The following PDZD2 variants were observed in gnomAD, a reference collection of about 807,000 sequenced individuals.
The protein encoded by PDZD2 is PDZ domain-containing protein 2.
Under a neutral mutation model 220.7 loss-of-function variants are expected in PDZD2, and 90 were observed. The ratio of observed to expected loss-of-function variants is 0.41; its 90% confidence interval spans 0.34 to 0.49. PDZD2 has a LOEUF of 0.49. PDZD2 is among the 20% of genes least tolerant of loss of function. The probability of loss-of-function intolerance (pLI) is 0.28; values close to 1 mark genes in which losing one functional copy is unlikely to be tolerated. For synonymous variants in PDZD2, 1,375 were observed against 1,450.5 expected, an observed-to-expected ratio of 0.95 and a Z score of 1.18; for missense variants, 3,174 against 3,608.5, an observed-to-expected ratio of 0.88 and a Z score of 3.08.
chr5:31,746,901 C>T (rs193164940), intron 1 of PDZD2, among the ~76,000 whole-genome samples: 45 of 152,280 alleles, frequency 3.0e-4, no homozygotes, highest in Non-Finnish European at 5.7e-4. Flanking sequence ...ATGCGCTGGG[C>T]GTGGTGGCTC....
intron 1 of PDZD2, among the ~76,000 whole-genome samples, chr5:31,645,588 G>A (rs1397874837): frequency 1.3e-5 from 2 of 152,120 alleles, no homozygotes; most frequent in African/African-American, 2.4e-5. Context: ...GCCTGCCTTG[G>A]CCTCCCGAGG....
intron 15 of PDZD2, among the ~76,000 whole-genome samples, chr5:32,070,606 T>C (rs549900696): frequency 6.6e-6 from 1 of 152,376 alleles, no homozygotes; most frequent in Non-Finnish European, 1.5e-5. Context: ...TTCTCAGTTC[T>C]TTCATGAGTT....
rs1745003215 is a variant in PDZD2, at chr5:32,108,349, G to T, written c.*214G>T. On this transcript the variant is annotated 3_prime_UTR_variant, in exon 25 of 25. Coordinates refer to ENST00000438447, the MANE Select transcript of PDZD2 (RefSeq NM_178140.4). ...CCTTCCACCTGCGTCACCCAGGCCG[G>T]GAGGGTTCCTTCGTTCCAGTGCCTG... is the stretch of plus-strand genomic sequence containing the variant. The T allele has an allele frequency of 2.6e-6, 1 of 381,302 alleles. No individual in the cohort carries two copies. Among genetic ancestry groups the T allele is most frequent in the South Asian group, 7.7e-5 (1 of 13,000 alleles). 23.6% of individuals were successfully genotyped at this position (381,302 alleles called of 1,614,324 possible). A position where few individuals can be genotyped will look rare whatever the true frequency, so the allele number is the denominator to read the frequency against.
At chr5:31,774,802 T>C (rs1395120333) in intron 1 of PDZD2, among the ~76,000 whole-genome samples, 1 of 152,158 alleles carries the variant, frequency 6.6e-6, no homozygotes, top group Admixed American at 6.6e-5. Context: ...GTTTTAGCTA[T>C]TTTACTTCCT....
chr5:31,810,522 C>T (rs924191996), intron 2 of PDZD2, among the ~76,000 whole-genome samples: 1 of 152,218 alleles, frequency 6.6e-6, no homozygotes, highest in African/African-American at 2.4e-5. Flanking sequence ...ACCTTGGCCT[C>T]CCAAAGTGCT....
At chr5:31,966,093 TCAGA>T (rs1581174688) in intron 2 of PDZD2, among the ~76,000 whole-genome samples, 2 of 152,192 alleles carry the variant, frequency 1.3e-5, no homozygotes, top group East Asian at 3.9e-4. Flanking sequence ...TTTTTGGGAA[TCAGA>T]CAGAGGCAGA....
chr5:31,725,977 C>G (rs1405905396), intron 1 of PDZD2: 1 of 557,250 alleles, frequency 1.8e-6, no homozygotes, highest in African/African-American at 1.9e-5. Context: ...AATAGGCAGT[C>G]TTGGATACTC....
chr5:31,958,649 C>T (rs948925251), intron 2 of PDZD2, among the ~76,000 whole-genome samples: 5 of 152,152 alleles, frequency 3.3e-5, no homozygotes. Context: ...GTCATAGGAT[C>T]TTGCTCTTTC....
At chr5:31,840,427 TA>T (rs1561499133) in intron 2 of PDZD2, 4,417 of 122,664 alleles carry the variant, frequency 0.036, 329 homozygotes, top group African/African-American at 0.07. Context: ...TATATATATA[TA>T]TATATATATA....
chr5:31,913,878 A>T (rs939071979), intron 2 of PDZD2, among the ~76,000 whole-genome samples: 7 of 152,182 alleles, frequency 4.6e-5, no homozygotes, highest in African/African-American at 1.7e-4. Context: ...ATTTTCCTTC[A>T]GGTTCATTTA....
intron 2 of PDZD2, among the ~76,000 whole-genome samples, chr5:31,818,746 A>G (rs1488791512): frequency 6.6e-6 from 1 of 152,162 alleles, no homozygotes; most frequent in Non-Finnish European, 1.5e-5. Context: ...ATTTATTTCA[A>G]TGGCAACATT....
intron 8 of PDZD2, among the ~76,000 whole-genome samples, chr5:32,049,187 G>C (rs422224): frequency 0.44 from 66,948 of 151,808 alleles, 15,225 homozygotes; most frequent in South Asian, 0.59. Flanking sequence ...TGCTCAAGTT[G>C]ATGTTACAGA....
At position 32,089,542 on chromosome 5, in the gene PDZD2, G is replaced by A; in HGVS notation, c.6094G>A (p.Asp2032Asn). ...AGCAGAGGGCAGGGCGCCCCGTGCTGACTCCGGGCCGGTGAGTCCGGCAGC... is the reference window on the plus strand; with the variant it reads ...AGCAGAGGGCAGGGCGCCCCGTGCTAACTCCGGGCCGGTGAGTCCGGCAGC... ...CRAEGRAPRADSGPVSPAASR... is the reference protein window; with the variant it reads ...CRAEGRAPRANSGPVSPAASR... The change falls in exon 20 of 25, where the codon GAC (aspartate) becomes AAC (asparagine). Residue 2032 changes from aspartate to asparagine, a missense_variant. Physicochemically the swap from Asp to Asn is conservative, Grantham distance 23 (BLOSUM62 1). Transcript: ENST00000438447. 1.2e-6 allele frequency: 2 copies of A among 1,604,084 alleles called. No homozygotes were observed. The highest frequency in any genetic ancestry group is 1.7e-6 in the Non-Finnish European group (2 of 1,176,546).
rs145876120 is a variant in PDZD2 at position 32,022,185 on chromosome 5, G to GTTTTTTTTTTTTTT, written c.1407+11710_1407+11711insTTTTTTTTTTTTTT. ...TCTTCTTTTTTCGTTTTGTTTTTTT[G>GTTTTTTTTTTTTTT]TTTTTTTGTTTTTTGTTTTTTTTTG... On this transcript the variant is annotated intron_variant, in intron 6 of 24. Coordinates refer to ENST00000438447, the MANE Select transcript of PDZD2 (RefSeq NM_178140.4). 1.2e-3 allele frequency among the ~76,000 whole-genome samples: 168 copies of GTTTTTTTTTTTTTT among 135,554 alleles called. 1 individual carries two copies. The highest frequency in any genetic ancestry group is 1.9e-3 in the Non-Finnish European group (123 of 64,076). The allele number at this position is 135,554 out of a possible 152,430, so 88.9% of individuals were successfully genotyped here. A position where few individuals can be genotyped will look rare whatever the true frequency, so the allele number is the denominator to read the frequency against.
chr5:31,938,363 A>T (rs1745937620), intron 2 of PDZD2, among the ~76,000 whole-genome samples: 1 of 152,202 alleles, frequency 6.6e-6, no homozygotes, highest in Non-Finnish European at 1.5e-5. Flanking sequence ...ATCGCCTCCA[A>T]ATGGGTAGAT....
At chr5:31,679,888 G>A (rs1031816960) in intron 1 of PDZD2, among the ~76,000 whole-genome samples, 1 of 152,130 alleles carries the variant, frequency 6.6e-6, no homozygotes, top group African/African-American at 2.4e-5. Context: ...TGTAAACCTA[G>A]GGTTATTAAA....
chr5:31,844,477 G>A (rs1211863821), intron 2 of PDZD2, among the ~76,000 whole-genome samples: 1 of 152,190 alleles, frequency 6.6e-6, no homozygotes, highest in East Asian at 1.9e-4. Context: ...ACGTATTACT[G>A]AGTATAGAAA....
chr5:31,920,239 G>T (rs1002319860), intron 2 of PDZD2, among the ~76,000 whole-genome samples: 1 of 151,978 alleles, frequency 6.6e-6, no homozygotes, highest in Admixed American at 6.6e-5. Flanking sequence ...GGCTATGAGC[G>T]CGCCACTGCA....
chr5:31,971,066 T>C (rs1749255813), intron 2 of PDZD2, among the ~76,000 whole-genome samples: 1 of 152,222 alleles, frequency 6.6e-6, no homozygotes, highest in South Asian at 2.1e-4. Flanking sequence ...AGGTGATGAC[T>C]GCTCACTCCA....
Sources: allele counts gnomAD v4.1 joint callset (sites outside exome capture counted in the v4.1 genomes callset), GRCh38; gene constraint gnomAD v4.1.1; transcripts MANE v1.5; gene names NCBI Gene and HGNC (gene_info 2026-07-23, HGNC 2026-07-21).